Variants in SPARCL1 observed in about 807,000 individuals in gnomAD.
SPARCL1 encodes the protein SPARC-like protein 1.
A neutral mutation model predicts 67.1 loss-of-function variants in SPARCL1; 52 were observed. The observed-to-expected ratio is 0.78, with a 90% confidence interval of 0.62 to 0.98. SPARCL1 has a LOEUF of 0.98. Ranked by LOEUF, SPARCL1 falls within the 50% of genes least tolerant of loss-of-function variation. The pLI is 0.00. For synonymous variants in SPARCL1, 226 were observed against 267.8 expected (o/e 0.84, Z 1.52); for missense variants, 717 against 782.4 (o/e 0.92, Z 1.00).
At position 87,493,987 on chromosome 4, in the gene SPARCL1, G is replaced by A. The variant is rs1724487584; in HGVS notation, c.813C>T (p.Asn271=). 6.2e-7 allele frequency: 1 copy of A among 1,614,076 alleles called. No individual in the cohort carries two copies. Among genetic ancestry groups the A allele is most frequent in the Non-Finnish European group, 8.5e-7 (1 of 1,180,010 alleles). The change falls in exon 4 of 11, where the codon AAC becomes AAT. Residue 271 remains asparagine (N), a synonymous_variant. Transcript: ENST00000282470. The part of the protein sequence containing the change: ...FDQGNQEQED[N]SNAEMEEENA... ...TTTCCTCTTCCATTTCTGCATTGGA[G>A]TTATCTTCTTGTTCTTGGTTACCCT...
chr4:87,483,718 C>T (rs1462040944), intron 7 of SPARCL1, among the ~76,000 whole-genome samples: 4 of 152,168 alleles, frequency 2.6e-5, no homozygotes, highest in Non-Finnish European at 5.9e-5. Flanking sequence ...GAAAGCGTTC[C>T]TATTTCTTCA....
At chr4:87,482,052 T>C (rs1272704295) in intron 8 of SPARCL1, among the ~76,000 whole-genome samples, 1 of 152,246 alleles carries the variant, frequency 6.6e-6, no homozygotes, top group Non-Finnish European at 1.5e-5. Flanking sequence ...TGGATTTACT[T>C]TATATCATAC....
At chr4:87,524,415 G>C (rs4693170) in intron 1 of SPARCL1, among the ~76,000 whole-genome samples, 55 of 152,086 alleles carry the variant, frequency 3.6e-4, no homozygotes, top group African/African-American at 1.3e-3. Context: ...AAACATAGAA[G>C]TTGACCCTCC....
chr4:87,490,311 C>T lies in SPARCL1; in HGVS notation c.1493G>A (p.Gly498Glu). ...TKCRLEGTKK[G>E]HQLQLDYFGA... Reference sequence around the variant, plus strand: ...AAAATAATCCAGCTGGAGTTGATGCCCCTTTTTGGTCCCCTCCAGTCTGCA... The same window carrying T: ...AAAATAATCCAGCTGGAGTTGATGCTCCTTTTTGGTCCCCTCCAGTCTGCA... The change falls in exon 7 of 11, where the codon GGG becomes GAG. Residue 498 changes from glycine to glutamate, a missense_variant. Gly to Glu is a moderately conservative substitution (Grantham distance 98, BLOSUM62 -2). Transcript: ENST00000282470. 1 of 1,613,008 alleles carries T rather than the reference C, an allele frequency of 6.2e-7. No individual in the cohort carries two copies. Among genetic ancestry groups the T allele is most frequent in the Non-Finnish European group, 8.5e-7 (1 of 1,179,540 alleles).
rs1253269925 is a variant in SPARCL1 at position 87,494,460 on chromosome 4, C to A, written c.340G>T (p.Ala114Ser). Residue 114 changes from alanine to serine, a missense_variant, in exon 4 of 11, where the codon GCA (alanine) becomes TCA (serine). Coordinates refer to ENST00000282470, the MANE Select transcript of SPARCL1 (RefSeq NM_004684.6). ...ATGTCCAATGTACCTTCAGTTGGTG[C>A]ATACTCCAAATTCACACTTAAGTGA... Reference protein sequence around the residue: ...DGHLSVNLEYAPTEGTLDIKE... With the variant: ...DGHLSVNLEYSPTEGTLDIKE... 4.3e-6 allele frequency: 7 copies of A among 1,614,010 alleles called. No homozygotes were observed. The South Asian group carries it at 6.6e-5, about 15-fold the overall frequency.
chr4:87,475,615 C>T (rs555798446), intron 10 of SPARCL1, among the ~76,000 whole-genome samples: 112 of 152,094 alleles, frequency 7.4e-4, no homozygotes, highest in Non-Finnish European at 1.3e-3. Flanking sequence ...GATATATAAG[C>T]GGCCAACAAA....
intron 1 of SPARCL1, among the ~76,000 whole-genome samples, chr4:87,514,621 CT>C (rs1725508105): frequency 1.3e-5 from 2 of 152,154 alleles, no homozygotes; most frequent in South Asian, 4.1e-4. Context: ...TTTAAAACGC[CT>C]TGTGTTCTTC....
intron 7 of SPARCL1, among the ~76,000 whole-genome samples, chr4:87,487,433 T>G (rs1578097946): frequency 6.6e-6 from 1 of 152,236 alleles, no homozygotes. Flanking sequence ...CACTCTTTTC[T>G]TGCTTGTAGG....
intron 7 of SPARCL1, among the ~76,000 whole-genome samples, chr4:87,489,076 G>A (rs1724195921): frequency 6.6e-6 from 1 of 152,150 alleles, no homozygotes; most frequent in Admixed American, 6.6e-5. Flanking sequence ...ACTGGCTTCA[G>A]CCACATTTCC....
chr4:87,487,182 T>C (rs183234623), intron 7 of SPARCL1, among the ~76,000 whole-genome samples: 32 of 152,230 alleles, frequency 2.1e-4, no homozygotes, highest in Non-Finnish European at 4.3e-4. Context: ...AGTTTCTTCA[T>C]AGTGTCGATG....
chr4:87,514,903 A>T (rs1578114712), intron 1 of SPARCL1, among the ~76,000 whole-genome samples: 2 of 152,356 alleles, frequency 1.3e-5, no homozygotes, highest in East Asian at 3.9e-4. Context: ...CAAAACCATG[A>T]TGTCCTTGCT....
chr4:87,497,190 G>C lies in SPARCL1; in HGVS notation c.55-2063C>G, dbSNP rs376490915. The C allele has an allele frequency of 5.1e-6, 5 of 984,918 alleles. No homozygotes were observed. In the African/African-American group the frequency reaches 7.0e-5, roughly 14 times the overall value. 61.0% of individuals were successfully genotyped at this position (984,918 alleles called of 1,614,324 possible). A position where few individuals can be genotyped will look rare whatever the true frequency, so the allele number is the denominator to read the frequency against. ...AGCCACGGCTTCTGGCCAAAGTACA[G>C]GATTCATATTAGGTTTGGTTTGCTC... On this transcript the variant is annotated intron_variant, in intron 2 of 10. Transcript: ENST00000282470.
rs1560824909 is a variant in SPARCL1, at chr4:87,506,821, CTAT to C, written c.-11-7239_-11-7237del. Among the ~76,000 whole-genome samples the C allele has an allele frequency of 2.9e-4, 43 of 150,784 alleles. 1 individual carries two copies. Among genetic ancestry groups the C allele is most frequent in the African/African-American group, 4.9e-4 (20 of 40,804 alleles). On this transcript the variant is annotated intron_variant, in intron 1 of 10. Coordinates refer to ENST00000282470, the MANE Select transcript of SPARCL1 (RefSeq NM_004684.6). ...TCTATCTATCTATCTATCTATCTAT[CTAT>C]CTACCTACCTACCTACCTACCTATC...
intron 1 of SPARCL1, among the ~76,000 whole-genome samples, chr4:87,507,118 C>T (rs1725116896): frequency 6.6e-6 from 1 of 152,182 alleles, no homozygotes; most frequent in Non-Finnish European, 1.5e-5. Flanking sequence ...TCTGGCCACA[C>T]ATTTAGGCTC....
At chr4:87,516,263 A>G (rs1435079500) in intron 1 of SPARCL1, among the ~76,000 whole-genome samples, 2 of 152,128 alleles carry the variant, frequency 1.3e-5, no homozygotes, top group Non-Finnish European at 2.9e-5. Context: ...TACCTCTGAG[A>G]GGCCTGCCCA....
chr4:87,485,847 T>C (rs925162090), intron 7 of SPARCL1, among the ~76,000 whole-genome samples: 1 of 152,164 alleles, frequency 6.6e-6, no homozygotes, highest in Non-Finnish European at 1.5e-5. Context: ...TCTAGTTTAT[T>C]TGTATAGAGG....
intron 8 of SPARCL1, among the ~76,000 whole-genome samples, chr4:87,480,777 A>G (rs558533757): frequency 2.6e-5 from 4 of 151,194 alleles, no homozygotes; most frequent in African/African-American, 9.7e-5. Flanking sequence ...TAAATATTTT[A>G]AGTATGTTTT....
At chr4:87,477,995 T>C (rs1043039657) in intron 10 of SPARCL1, among the ~76,000 whole-genome samples, 3 of 152,192 alleles carry the variant, frequency 2.0e-5, no homozygotes, top group African/African-American at 7.2e-5. Context: ...AATAAGTAAA[T>C]CCTCATACTT....
intron 1 of SPARCL1, among the ~76,000 whole-genome samples, chr4:87,515,171 C>G (rs886807035): frequency 6.6e-6 from 1 of 152,204 alleles, no homozygotes; most frequent in Non-Finnish European, 1.5e-5. Context: ...TCAAAGGCAG[C>G]TGCATAGTTT....
Sources: allele counts gnomAD v4.1 joint callset (sites outside exome capture counted in the v4.1 genomes callset), GRCh38; gene constraint gnomAD v4.1.1; transcripts MANE v1.5; gene names NCBI Gene and HGNC (gene_info 2026-07-23, HGNC 2026-07-21).